DNM2: variants seen among roughly 807,000 people sequenced by gnomAD.
DNM2 encodes dynamin 2.
A neutral mutation model predicts 99.0 loss-of-function variants in DNM2; 15 were observed. That is an observed-to-expected ratio of 0.15 (90% CI 0.10 to 0.23). The LOEUF (loss-of-function observed/expected upper bound fraction) is 0.23, where lower values mean the gene tolerates loss of function less well. DNM2 is among the 10% of genes least tolerant of loss of function. The pLI is 1.00. For missense variants in DNM2, 742 were observed against 1,189.4 expected (o/e 0.62, Z 5.53); for synonymous variants, 525 against 481.2 (o/e 1.09, Z -1.19).
At chr19:10,801,105 A>G (rs1025801867) in intron 11 of DNM2, among the ~76,000 whole-genome samples, 6 of 150,188 alleles carry the variant, frequency 4.0e-5, no homozygotes, top group Non-Finnish European at 8.9e-5. Flanking sequence ...CAGGAGTTCG[A>G]GACCAGCTTG....
chr19:10,781,349 C>T (rs1385651184), intron 5 of DNM2: 3 of 152,192 alleles, frequency 2.0e-5, no homozygotes, highest in Non-Finnish European at 2.9e-5. Context: ...GGCATGTCTT[C>T]GTTTCCCTCC....
At chr19:10,799,527 GT>G (rs1241230585) in intron 11 of DNM2, among the ~76,000 whole-genome samples, 6 of 143,472 alleles carry the variant, frequency 4.2e-5, no homozygotes, top group African/African-American at 1.6e-4. Flanking sequence ...TTGTGTTGTG[GT>G]TTTTTGTTTT....
Position 10,795,896 on chromosome 19 carries a change from C to T in DNM2, c.1196+457C>T, listed in dbSNP as rs936794325. ...TGCCCTTCCATCGCCGTGGGGTCCTCGGGTCACCCTGAGGGTTTCCGGGCA... is the reference window on the plus strand; with the variant it reads ...TGCCCTTCCATCGCCGTGGGGTCCTTGGGTCACCCTGAGGGTTTCCGGGCA... On this transcript the variant is annotated intron_variant, in intron 9 of 20. Transcript: ENST00000389253. The surrounding 1 kb of genome is among the most constrained non-coding windows in gnomAD (Gnocchi z 4.2). 9.4e-6 allele frequency: 11 copies of T among 1,169,752 alleles called. No homozygotes were observed. The highest frequency in any genetic ancestry group is 3.0e-5 in the African/African-American group (2 of 66,392). 72.5% of individuals were successfully genotyped at this position (1,169,752 alleles called of 1,614,324 possible).
chr19:10,738,776 A>T (rs938769162), intron 1 of DNM2, among the ~76,000 whole-genome samples: 1 of 151,658 alleles, frequency 6.6e-6, no homozygotes, highest in Non-Finnish European at 1.5e-5. Context: ...AGGCTAAGGC[A>T]GGAGAAGTGC....
intron 3 of DNM2, among the ~76,000 whole-genome samples, chr19:10,773,982 C>T (rs2071068836): frequency 6.6e-6 from 1 of 152,178 alleles, no homozygotes; most frequent in Non-Finnish European, 1.5e-5. Flanking sequence ...GGCCCAGAGG[C>T]ACAGATTGCT....
intron 2 of DNM2, among the ~76,000 whole-genome samples, chr19:10,766,467 G>A (rs563476018): frequency 6.6e-6 from 1 of 152,276 alleles, no homozygotes; most frequent in South Asian, 2.1e-4. Flanking sequence ...TCCCTTCTGG[G>A]GACACCTCAA....
intron 1 of DNM2, among the ~76,000 whole-genome samples, chr19:10,729,231 C>T (rs1201979039): frequency 6.7e-6 from 1 of 149,032 alleles, no homozygotes; most frequent in Non-Finnish European, 1.5e-5. Flanking sequence ...CACCTGTAAT[C>T]CCAGCTACTC....
intron 1 of DNM2, among the ~76,000 whole-genome samples, chr19:10,726,170 G>T (rs2069107527): frequency 6.6e-6 from 1 of 151,062 alleles, no homozygotes; most frequent in Non-Finnish European, 1.5e-5. Flanking sequence ...AGTGAGCCGA[G>T]ATCGTGCCAC....
At chr19:10,792,508 C>T (rs2071786774) in intron 7 of DNM2, among the ~76,000 whole-genome samples, 1 of 152,238 alleles carries the variant, frequency 6.6e-6, no homozygotes, top group African/African-American at 2.4e-5. Context: ...CTGAGAGACT[C>T]TTTTTAAGGG....
In DNM2 at chr19:10,796,846, GC is replaced by G. The variant is rs2146030390; in HGVS notation, c.1197-532del. ...CCGGGCTCCCCCAACCCGCGCCAAC[GC>G]CGCGGGCCTGGTTCCCAGGGCAGCA... On this transcript the variant is annotated intron_variant, in intron 9 of 20. Coordinates refer to ENST00000389253, the MANE Select transcript of DNM2 (RefSeq NM_001005361.3). This position sits in a 1 kb window ranked among gnomAD's most constrained non-coding sequence, Gnocchi z 5.6. 6.6e-6 allele frequency among the ~76,000 whole-genome samples: 1 copy of G among 152,088 alleles called. No homozygotes were observed. Among genetic ancestry groups the G allele is most frequent in the South Asian group, 2.1e-4 (1 of 4,824 alleles).
chr19:10,794,419 G>A (rs2071861982), intron 8 of DNM2, among the ~76,000 whole-genome samples: 1 of 149,908 alleles, frequency 6.7e-6, no homozygotes, highest in Admixed American at 6.6e-5. Flanking sequence ...TGAGCACATA[G>A]CATTTTTTAT....
At chr19:10,744,921 C>T (rs1337129221) in intron 1 of DNM2, among the ~76,000 whole-genome samples, 3 of 152,050 alleles carry the variant, frequency 2.0e-5, no homozygotes, top group Admixed American at 6.6e-5. Flanking sequence ...GCAGTTTCCC[C>T]GTCACTCTTG....
At position 10,790,503 on chromosome 19, in the gene DNM2, C is replaced by T. The variant is rs182624995; in HGVS notation, c.993-3217C>T. Among the ~76,000 whole-genome samples, 4 of 152,154 alleles carry T rather than the reference C, an allele frequency of 2.6e-5. No individual in the cohort carries two copies. The East Asian group carries it at 7.7e-4, about 29-fold the overall frequency. ...TTGTTTTTGTTTTGAGATAGAGTCT[C>T]GCTCTGTCACCCAGGCTGAAGCGCA... On this transcript the variant is annotated intron_variant, in intron 7 of 20. Coordinates refer to ENST00000389253, the MANE Select transcript of DNM2 (RefSeq NM_001005361.3).
chr19:10,745,198 C>G (rs1312332244), intron 1 of DNM2, among the ~76,000 whole-genome samples: 1 of 152,196 alleles, frequency 6.6e-6, no homozygotes, highest in African/African-American at 2.4e-5. Flanking sequence ...GTCCGTGCAT[C>G]GCACTTGACC....
Position 10,775,926 on chromosome 19 carries a change from A to T in DNM2, c.589+20A>T. 1 of 1,607,470 alleles carries T rather than the reference A, an allele frequency of 6.2e-7. No individual in the cohort carries two copies. The highest frequency in any genetic ancestry group is 1.1e-5 in the South Asian group (1 of 91,042). On this transcript the variant is annotated intron_variant, in intron 4 of 20. Transcript: ENST00000389253. The surrounding 1 kb of genome is among the most constrained non-coding windows in gnomAD (Gnocchi z 4.3). ...CCCAAGGTAACCCTGAGCCTAGGGC[A>T]GTCCCCTCTTCCAGGTGCCTCTGAG...
intron 1 of DNM2, among the ~76,000 whole-genome samples, chr19:10,751,801 G>A (rs141996443): frequency 9.2e-4 from 140 of 152,334 alleles, no homozygotes; most frequent in African/African-American, 3.3e-3. Context: ...TCCTGTGCCC[G>A]ACTTAGAACT....
chr19:10,737,479 G>A (rs2069571887), intron 1 of DNM2, among the ~76,000 whole-genome samples: 1 of 151,912 alleles, frequency 6.6e-6, no homozygotes, highest in Non-Finnish European at 1.5e-5. Context: ...TTCCACCTAT[G>A]CGTTTGGTTT....
chr19:10,718,701 C>T (rs1433280815), intron 1 of DNM2: 2 of 260,822 alleles, frequency 7.7e-6, no homozygotes, highest in African/African-American at 2.3e-5. Context: ...TGAAGTCTGC[C>T]ATCTGGTTGG....
At chr19:10,785,128 C>T (rs2071514472) in intron 6 of DNM2, among the ~76,000 whole-genome samples, 3 of 150,456 alleles carry the variant, frequency 2.0e-5, no homozygotes, top group Non-Finnish European at 4.4e-5. Context: ...CGGCCTTCCC[C>T]TCAACCCCAG....
Sources: gnomAD v4.1 joint callset for allele counts (sites outside exome capture counted in the v4.1 genomes callset) on GRCh38, gnomAD v4.1.1 for gene constraint, Gnocchi (gnomAD v3.1) non-coding constraint, MANE v1.5 for transcripts, NCBI Gene and HGNC (gene_info 2026-07-23, HGNC 2026-07-21) for gene names.